SPAG6: variants seen among roughly 807,000 people sequenced by gnomAD.
SPAG6 encodes the protein sperm associated antigen 6.
Under a neutral mutation model 58.5 loss-of-function variants are expected in SPAG6, and 49 were observed. That is an observed-to-expected ratio of 0.84 (90% CI 0.67 to 1.06). SPAG6 has a LOEUF of 1.06. Ranked by LOEUF, SPAG6 falls within the 50% of genes least tolerant of loss-of-function variation. The pLI is 0.00. For synonymous variants in SPAG6, 233 were observed against 225.6 expected (o/e 1.03, Z -0.29); for missense variants, 560 against 611.3 (o/e 0.92, Z 0.89).
intron 2 of SPAG6, among the ~76,000 whole-genome samples, chr10:22,358,584 A>G (rs1470568565): frequency 6.6e-6 from 1 of 151,866 alleles, no homozygotes; most frequent in Admixed American, 6.6e-5. Context: ...TCTTTAGTTT[A>G]ATGAGATCCC....
intron 8 of SPAG6, among the ~76,000 whole-genome samples, chr10:22,396,972 T>C (rs1834308106): frequency 6.6e-6 from 1 of 152,190 alleles, no homozygotes; most frequent in Admixed American, 6.5e-5. Context: ...TAATCTGTTA[T>C]TCATTAGCTC....
At chr10:22,395,323 A>C (rs1241172957) in intron 8 of SPAG6, among the ~76,000 whole-genome samples, 2 of 152,098 alleles carry the variant, frequency 1.3e-5, no homozygotes, top group African/African-American at 4.8e-5. Context: ...AAACTGCCCA[A>C]CTGTTTTCCA....
chr10:22,413,745 T>C (rs545106396), intron 10 of SPAG6, among the ~76,000 whole-genome samples: 31 of 150,152 alleles, frequency 2.1e-4, no homozygotes, highest in Non-Finnish European at 3.7e-4. Context: ...ACCTCAGTTA[T>C]GTTTTAAAGC....
At chr10:22,406,288 T>C (rs1292465278) in intron 9 of SPAG6, among the ~76,000 whole-genome samples, 3 of 152,138 alleles carry the variant, frequency 2.0e-5, no homozygotes, top group African/African-American at 7.2e-5. Flanking sequence ...GCTATAAATT[T>C]CCCTCTACAC....
intron 7 of SPAG6, 111 bp from the exon 8 acceptor site, chr10:22,391,607 TGAACCATTTAA>T (rs1834185318): frequency 1.3e-6 from 1 of 768,738 alleles, no homozygotes; most frequent in Admixed American, 3.0e-5. Context: ...GCTCATTTAT[TGAACCATTTAA>T]GAAAAAAAGG....
Position 22,417,031 on chromosome 10 carries a change from A to G in SPAG6, c.*343A>G, listed in dbSNP as rs1834882028. 5.5e-6 allele frequency: 1 copy of G among 180,358 alleles called. No individual in the cohort carries two copies. The highest frequency in any genetic ancestry group is 2.4e-5 in the African/African-American group (1 of 42,246). The allele number at this position is 180,358 out of a possible 1,614,324, so 11.2% of individuals were successfully genotyped here. ...TTAAGAGATGGCATTCAAAAACCCT[A>G]AATTATTCTAGCCAATTTGTCATAG... On this transcript the variant is annotated 3_prime_UTR_variant, in exon 11 of 11. Transcript: ENST00000376624.
At chr10:22,401,401 CCAATCTGTATGGA>C in intron 9 of SPAG6, 124 bp downstream of exon 9, 1 of 654,224 alleles carries the variant, frequency 1.5e-6, no homozygotes, top group Non-Finnish European at 2.7e-6. Flanking sequence ...TTAACTCTCA[CCAATCTGTATGGA>C]CAGAGAAGTT....
At position 22,368,692 on chromosome 10, in the gene SPAG6, T is replaced by G; in HGVS notation, c.472+14T>G. 1 of 1,583,186 alleles carries G rather than the reference T, an allele frequency of 6.3e-7. No individual in the cohort carries two copies. The highest frequency in any genetic ancestry group is 8.6e-7 in the Non-Finnish European group (1 of 1,157,558). On this transcript the variant is annotated intron_variant, in intron 4 of 10. Transcript: ENST00000376624. ...GACATAATGCAGGTAATTTAAAATA[T>G]GCAGGAGCATATTTTAAAATAGGAT...
chr10:22,360,289 T>A (rs923135887), intron 2 of SPAG6, among the ~76,000 whole-genome samples: 20 of 151,920 alleles, frequency 1.3e-4, no homozygotes, highest in South Asian at 6.2e-4. Flanking sequence ...TTTTTTTTTT[T>A]AAATTTTTGA....
At chr10:22,402,846 G>T (rs531303688) in intron 9 of SPAG6, among the ~76,000 whole-genome samples, 1 of 152,292 alleles carries the variant, frequency 6.6e-6, no homozygotes, top group East Asian at 1.9e-4. Context: ...GTGATAAGGG[G>T]TAAGGGGCTG....
At chr10:22,410,358 T>G (rs1834700109) in intron 9 of SPAG6, among the ~76,000 whole-genome samples, 1 of 152,140 alleles carries the variant, frequency 6.6e-6, no homozygotes, top group Non-Finnish European at 1.5e-5. Context: ...ATTAAAATAT[T>G]ATGTGGTATT....
At chr10:22,398,824 TA>T (rs1336597532) in intron 8 of SPAG6, among the ~76,000 whole-genome samples, 1 of 152,098 alleles carries the variant, frequency 6.6e-6, no homozygotes, top group African/African-American at 2.4e-5. Flanking sequence ...TAAGTATTAT[TA>T]TTTTTTTTTT....
intron 9 of SPAG6, among the ~76,000 whole-genome samples, chr10:22,407,238 G>A (rs1292687671): frequency 6.6e-6 from 1 of 151,506 alleles, no homozygotes; most frequent in African/African-American, 2.4e-5. Context: ...AGTCTCGATG[G>A]TCTTTACATT....
chr10:22,358,172 A>G (rs550861662), intron 2 of SPAG6, among the ~76,000 whole-genome samples: 2 of 152,266 alleles, frequency 1.3e-5, no homozygotes, highest in South Asian at 4.1e-4. Context: ...TGACTTCAAC[A>G]ATGGTTGAAC....
Position 22,346,027 on chromosome 10 carries a change from T to G in SPAG6, c.121+209T>G, listed in dbSNP as rs538081146. 9 of 1,543,520 alleles carry G rather than the reference T, an allele frequency of 5.8e-6. No homozygotes were observed. In the South Asian group the frequency reaches 1.1e-4, roughly 19 times the overall value. On this transcript the variant is annotated intron_variant, in intron 2 of 10. Coordinates refer to ENST00000376624, the MANE Select transcript of SPAG6 (RefSeq NM_012443.4). ...GTGGGAGGTGCGCGTTGTCCCTGTT[T>G]CCATCTTCATTGCACACAGGCAAGT...
intron 2 of SPAG6, among the ~76,000 whole-genome samples, chr10:22,348,894 G>A (rs1052354629): frequency 1.4e-4 from 21 of 152,134 alleles, no homozygotes; most frequent in Non-Finnish European, 1.5e-5. Context: ...GTGCAGTGGT[G>A]CTATCTCAGC....
chr10:22,375,921 T>A (rs1833805793), intron 4 of SPAG6, among the ~76,000 whole-genome samples: 2 of 152,134 alleles, frequency 1.3e-5, no homozygotes, highest in Admixed American at 6.6e-5. Context: ...GTTTTTGGTG[T>A]CACTGTGCTA....
chr10:22,400,196 T>C (rs190562094), intron 8 of SPAG6, among the ~76,000 whole-genome samples: 83 of 152,204 alleles, frequency 5.5e-4, no homozygotes, highest in African/African-American at 1.7e-3. Context: ...AACAGTGTGG[T>C]GATCCCAGAA....
chr10:22,401,329 T>G (rs1834409233), intron 9 of SPAG6, 52 bp downstream of exon 9: 1 of 970,734 alleles, frequency 1.0e-6, no homozygotes. Flanking sequence ...TGATTTGTTG[T>G]TATTTTTTTT....
Sources: gnomAD v4.1 joint callset for allele counts (sites outside exome capture counted in the v4.1 genomes callset) on GRCh38, gnomAD v4.1.1 for gene constraint, MANE v1.5 for transcripts, NCBI Gene and HGNC (gene_info 2026-07-23, HGNC 2026-07-21) for gene names.